The following TLK1 variants were observed in gnomAD, a reference collection of about 807,000 sequenced individuals.
The protein encoded by TLK1 is tousled like kinase 1, also known as serine/threonine-protein kinase tousled-like 1.
A neutral mutation model predicts 105.3 loss-of-function variants in TLK1; 24 were observed. The ratio of observed to expected loss-of-function variants is 0.23; its 90% CI spans 0.17 to 0.32. The LOEUF is 0.32. Ranked by LOEUF, TLK1 falls within the 10% of genes least tolerant of loss-of-function variation. TLK1 has a pLI of 1.00. For synonymous variants in TLK1, 321 were observed against 310.4 expected, an observed-to-expected ratio of 1.03 and a Z score of -0.36; for missense variants, 558 against 910.5, an observed-to-expected ratio of 0.61 and a Z score of 4.98.
rs1337974793 is a variant in TLK1, at chr2:171,131,003, TTC to T, written c.140-13148_140-13147del. Reference sequence around the variant, plus strand: ...AAAATTTTAAGATTCTAATAATAATTTCTTTTATCTGCAACCTTAACGGACAC... The same window carrying T: ...AAAATTTTAAGATTCTAATAATAATTTTTTATCTGCAACCTTAACGGACAC... On this transcript the variant is annotated intron_variant, in intron 1 of 20. Coordinates refer to ENST00000431350, the MANE Select transcript of TLK1 (RefSeq NM_012290.5). Among the ~76,000 whole-genome samples, 4 of 142,376 alleles carry T rather than the reference TTC, an allele frequency of 2.8e-5. No individual in the cohort carries two copies. In the East Asian group the frequency reaches 7.8e-4, roughly 28 times the overall value. 93.4% of individuals were successfully genotyped at this position (142,376 alleles called of 152,430 possible).
intron 3 of TLK1, among the ~76,000 whole-genome samples, chr2:171,067,960 T>C (rs188381203): frequency 6.6e-6 from 1 of 152,322 alleles, no homozygotes; most frequent in East Asian, 1.9e-4. Flanking sequence ...CTCATCCTTT[T>C]TTATGGCTGC....
intron 1 of TLK1, among the ~76,000 whole-genome samples, chr2:171,159,011 C>T (rs1400926410): frequency 2.0e-5 from 3 of 152,160 alleles, no homozygotes; most frequent in Admixed American, 6.5e-5. Flanking sequence ...CTCACAGGAA[C>T]AAAATGACAA....
chr2:171,006,058 T>C, intron 18 of TLK1, 89 bp downstream of exon 18: 1 of 1,301,754 alleles, frequency 7.7e-7, no homozygotes, highest in South Asian at 2.1e-5. Flanking sequence ...TCTTAATGGC[T>C]ACATGGAAAT....
At chr2:171,014,975 C>A (rs1358911154) in intron 12 of TLK1, 27 bp from the exon 13 acceptor site, 3 of 1,515,434 alleles carry the variant, frequency 2.0e-6, no homozygotes, top group Admixed American at 1.7e-5. Context: ...GGGACTATAA[C>A]AAGCTCAATT....
intron 8 of TLK1, among the ~76,000 whole-genome samples, chr2:171,053,022 G>A (rs954686546): frequency 6.6e-6 from 1 of 152,194 alleles, no homozygotes; most frequent in African/African-American, 2.4e-5. Flanking sequence ...AGTCTAAGGA[G>A]CATCAAGGGG....
intron 8 of TLK1, among the ~76,000 whole-genome samples, chr2:171,052,333 C>G (rs961050444): frequency 6.6e-6 from 1 of 152,110 alleles, no homozygotes; most frequent in Non-Finnish European, 1.5e-5. Context: ...ATGGAAAATG[C>G]GTATGCCCTG....
At chr2:171,148,478 A>T (rs1691883676) in intron 1 of TLK1, among the ~76,000 whole-genome samples, 1 of 151,994 alleles carries the variant, frequency 6.6e-6, no homozygotes, top group Non-Finnish European at 1.5e-5. Context: ...GAGAAAGGCG[A>T]GACAAAAAAC....
intron 18 of TLK1, among the ~76,000 whole-genome samples, chr2:171,004,802 G>T (rs1032285487): frequency 6.6e-6 from 1 of 152,034 alleles, no homozygotes; most frequent in Non-Finnish European, 1.5e-5. Context: ...GTTGCTAAAA[G>T]AAAAAAGTCC....
chr2:171,155,638 C>T (rs571232396), intron 1 of TLK1: 74 of 152,218 alleles, frequency 4.9e-4, no homozygotes, highest in African/African-American at 1.6e-3. Context: ...TAGCACTCAT[C>T]GTAAGAATCT....
chr2:171,036,393 C>G (rs369656624), intron 11 of TLK1, among the ~76,000 whole-genome samples: 2 of 151,998 alleles, frequency 1.3e-5, no homozygotes, highest in Non-Finnish European at 2.9e-5. Flanking sequence ...TGTCTCCCCC[C>G]CCAAAAAAAG....
At chr2:171,103,816 A>G (rs1477923680) in intron 2 of TLK1, among the ~76,000 whole-genome samples, 3 of 152,150 alleles carry the variant, frequency 2.0e-5, no homozygotes, top group African/African-American at 2.4e-5. Flanking sequence ...CTATTCCAGT[A>G]ATTTAAAAGT....
chr2:171,222,623 T>C (rs1185949367), intron 1 of TLK1, among the ~76,000 whole-genome samples: 1 of 152,136 alleles, frequency 6.6e-6, no homozygotes, highest in African/African-American at 2.4e-5. Context: ...TATGGCTACA[T>C]AATAGTTTAC....
intron 1 of TLK1, among the ~76,000 whole-genome samples, chr2:171,156,375 ATT>A (rs1692232957): frequency 1.3e-5 from 2 of 152,242 alleles, no homozygotes; most frequent in South Asian, 4.1e-4. Context: ...CACAGTTTAA[ATT>A]AATAAATATA....
intron 1 of TLK1, among the ~76,000 whole-genome samples, chr2:171,197,967 A>G (rs573454102): frequency 6.6e-6 from 1 of 152,262 alleles, no homozygotes; most frequent in East Asian, 1.9e-4. Flanking sequence ...AAACAACTGC[A>G]CCAGACAAAG....
rs549470255 is a variant in TLK1, at chr2:171,083,101, G to T, written c.259-249C>A. Among the ~76,000 whole-genome samples the T allele has an allele frequency of 1.8e-3, 268 of 152,168 alleles. 1 individual carries two copies. Among genetic ancestry groups the T allele is most frequent in the Non-Finnish European group, 3.5e-3 (236 of 67,986 alleles). ...TTTAGGAACTGACTTCTATTAGCTG[G>T]TTTTTTAAATCCCAGTTCAAAAGCA... On this transcript the variant is annotated intron_variant, in intron 2 of 20. Coordinates refer to ENST00000431350, the MANE Select transcript of TLK1 (RefSeq NM_012290.5).
intron 1 of TLK1, among the ~76,000 whole-genome samples, chr2:171,125,705 CAT>C (rs1250211465): frequency 1.3e-5 from 2 of 152,152 alleles, no homozygotes; most frequent in Non-Finnish European, 2.9e-5. Context: ...TCAAATTTCA[CAT>C]GTCACAAAGA....
chr2:171,134,486 C>T (rs1294535274), intron 1 of TLK1, among the ~76,000 whole-genome samples: 1 of 152,100 alleles, frequency 6.6e-6, no homozygotes, highest in Admixed American at 6.5e-5. Flanking sequence ...TCTGAACAGA[C>T]ATTTCTCCAG....
At chr2:171,078,011 C>A (rs1318665368) in intron 3 of TLK1, among the ~76,000 whole-genome samples, 6 of 152,118 alleles carry the variant, frequency 3.9e-5, no homozygotes, top group Non-Finnish European at 8.8e-5. Context: ...ACAACCAAGC[C>A]TTTTTAATTA....
intron 3 of TLK1, among the ~76,000 whole-genome samples, chr2:171,063,316 A>G: frequency 6.6e-6 from 1 of 152,194 alleles, no homozygotes; most frequent in East Asian, 1.9e-4. Context: ...ACTGCACTCC[A>G]GTTTGGGTGA....
Sources: gnomAD v4.1 joint callset for allele counts (sites outside exome capture counted in the v4.1 genomes callset) on GRCh38, gnomAD v4.1.1 for gene constraint, MANE v1.5 for transcripts, NCBI Gene and HGNC (gene_info 2026-07-23, HGNC 2026-07-21) for gene names.